The following ROBO1 variants were observed in gnomAD, a reference collection of about 807,000 sequenced individuals.
ROBO1 encodes roundabout homolog 1.
Under a neutral mutation model 195.9 loss-of-function variants are expected in ROBO1, and 149 were observed. That is an observed-to-expected ratio of 0.76 (90% CI 0.67 to 0.87). The LOEUF is 0.87. ROBO1 is among the 40% of genes least tolerant of loss of function. ROBO1 has a pLI of 0.00. For synonymous variants in ROBO1, 816 were observed against 733.2 expected (o/e 1.11, Z -1.82); for missense variants, 1,933 against 2,068.3 (o/e 0.93, Z 1.27).
intron 18 of ROBO1, among the ~76,000 whole-genome samples, chr3:78,653,565 T>C (rs779767957): frequency 1.3e-5 from 2 of 152,248 alleles, no homozygotes; most frequent in African/African-American, 2.4e-5. Flanking sequence ...CTGGTGGCCT[T>C]CTCATCTGCC....
At chr3:78,745,428 A>C (rs781623079) in intron 5 of ROBO1, among the ~76,000 whole-genome samples, 1 of 152,148 alleles carries the variant, frequency 6.6e-6, no homozygotes, top group Non-Finnish European at 1.5e-5. Context: ...ATAAGTAAGG[A>C]AGGGAAAGAG....
chr3:79,576,446 CA>C (rs1262327599), intron 2 of ROBO1, among the ~76,000 whole-genome samples: 5 of 152,020 alleles, frequency 3.3e-5, no homozygotes, highest in Admixed American at 2.0e-4. Flanking sequence ...TCATTGCCTT[CA>C]ATATACAGGA....
chr3:79,669,137 A>G (rs1222593698), intron 1 of ROBO1, among the ~76,000 whole-genome samples: 2 of 151,830 alleles, frequency 1.3e-5, no homozygotes, highest in East Asian at 2.0e-4. Context: ...AGATAACTGA[A>G]TCATGGGAGC....
At chr3:79,317,002 CT>C (rs1485336142) in intron 2 of ROBO1, among the ~76,000 whole-genome samples, 1 of 152,070 alleles carries the variant, frequency 6.6e-6, no homozygotes, top group African/African-American at 2.4e-5. Flanking sequence ...TGAACATACA[CT>C]TTTTTTCACA....
chr3:78,876,161 C>T (rs1215193931), intron 4 of ROBO1, among the ~76,000 whole-genome samples: 1 of 152,050 alleles, frequency 6.6e-6, no homozygotes, highest in East Asian at 1.9e-4. Flanking sequence ...ATTTTCAGAA[C>T]TCAAAACTAT....
chr3:78,703,452 T>C (rs747985474), intron 8 of ROBO1, among the ~76,000 whole-genome samples: 1 of 152,184 alleles, frequency 6.6e-6, no homozygotes, highest in African/African-American at 2.4e-5. Flanking sequence ...CAACTGGCAG[T>C]ACTGATTCTT....
intron 2 of ROBO1, among the ~76,000 whole-genome samples, chr3:79,338,260 T>C (rs1221692381): frequency 2.7e-4 from 41 of 152,322 alleles, no homozygotes; most frequent in Non-Finnish European, 7.4e-5. Context: ...TATCTTTAAA[T>C]ATTGCATTTA....
chr3:78,662,190 T>G, intron 14 of ROBO1, 76 bp from the exon 15 acceptor site: 1 of 1,396,494 alleles, frequency 7.2e-7, no homozygotes, highest in African/African-American at 1.5e-5. Context: ...TGAAACAAAC[T>G]GTTCATTCAT....
At chr3:79,712,379 T>G (rs1005601485) in intron 1 of ROBO1, among the ~76,000 whole-genome samples, 1 of 152,000 alleles carries the variant, frequency 6.6e-6, no homozygotes. Flanking sequence ...GTGATTTGAA[T>G]AGAAGATGAA....
chr3:79,034,050 T>C (rs2078341077), intron 3 of ROBO1, among the ~76,000 whole-genome samples: 2 of 152,184 alleles, frequency 1.3e-5, no homozygotes, highest in African/African-American at 2.4e-5. Context: ...CTACCTCTGA[T>C]CTAGATTGTA....
chr3:79,668,414 C>T (rs1946533365), intron 1 of ROBO1, among the ~76,000 whole-genome samples: 1 of 45,330 alleles, frequency 2.2e-5, no homozygotes. Context: ...ATAAATAAGT[C>T]TCTGTGAAGC....
At chr3:79,649,058 T>G (rs2106731398) in intron 1 of ROBO1, among the ~76,000 whole-genome samples, 1 of 152,214 alleles carries the variant, frequency 6.6e-6, no homozygotes, top group South Asian at 2.1e-4. Flanking sequence ...GACCCAAATT[T>G]GAAATTTTAA....
At chr3:79,730,943 A>G (rs1027210700) in intron 1 of ROBO1, among the ~76,000 whole-genome samples, 7 of 151,744 alleles carry the variant, frequency 4.6e-5, no homozygotes, top group African/African-American at 1.7e-4. Context: ...ACGCCCAGCT[A>G]ATTTTTTGTA....
chr3:79,214,826 A>ATATT (rs1262558726), intron 2 of ROBO1, among the ~76,000 whole-genome samples: 4 of 129,154 alleles, frequency 3.1e-5, no homozygotes, highest in Non-Finnish European at 4.8e-5. Context: ...ATATATATAT[A>ATATT]TTTTTTTTTT....
intron 2 of ROBO1, among the ~76,000 whole-genome samples, chr3:79,339,874 T>G (rs1035032529): frequency 6.6e-6 from 1 of 152,350 alleles, no homozygotes; most frequent in African/African-American, 2.4e-5. Context: ...TTGATTACTA[T>G]TGAGTGCCTT....
intron 2 of ROBO1, among the ~76,000 whole-genome samples, chr3:79,326,975 T>C (rs763147479): frequency 6.6e-6 from 1 of 152,186 alleles, no homozygotes; most frequent in Non-Finnish European, 1.5e-5. Flanking sequence ...GTTAAGTCAC[T>C]TTATCTCTCT....
At chr3:79,645,736 A>T (rs1021399424) in intron 1 of ROBO1, among the ~76,000 whole-genome samples, 1 of 152,146 alleles carries the variant, frequency 6.6e-6, no homozygotes, top group Non-Finnish European at 1.5e-5. Context: ...ACAAAGTTAC[A>T]GCAACCAAGT....
intron 21 of ROBO1, among the ~76,000 whole-genome samples, chr3:78,642,297 C>T (rs1373979334): frequency 6.6e-6 from 1 of 152,164 alleles, no homozygotes; most frequent in Non-Finnish European, 1.5e-5. Context: ...ATTCCAATCA[C>T]TCACCCCAAG....
At chr3:78,673,605 T>TATATATATATATAC (rs779997525) in intron 10 of ROBO1, among the ~76,000 whole-genome samples, 52 of 53,196 alleles carry the variant, frequency 9.8e-4, no homozygotes, top group Non-Finnish European at 1.5e-3. Flanking sequence ...TATATATATA[T>TATATATATATATAC]ACACACATAT....
Sources: gnomAD v4.1 joint callset for allele counts (sites outside exome capture counted in the v4.1 genomes callset) on GRCh38, gnomAD v4.1.1 for gene constraint, MANE v1.5 for transcripts, NCBI Gene and HGNC (gene_info 2026-07-23, HGNC 2026-07-21) for gene names.